The following WDR20 variants were observed in gnomAD, a reference collection of about 807,000 sequenced individuals.
WDR20 encodes the protein WD repeat-containing protein 20.
In WDR20, 3 loss-of-function variants were observed where a neutral mutation model predicts 38.7. That is an observed-to-expected ratio of 0.08 (90% CI 0.04 to 0.20). WDR20 has a LOEUF of 0.20. Ranked by LOEUF, WDR20 falls within the 10% of genes least tolerant of loss-of-function variation. The probability of loss-of-function intolerance (pLI) is 1.00; values close to 1 mark genes in which losing one functional copy is unlikely to be tolerated. For synonymous variants in WDR20, 298 were observed against 285.6 expected, an observed-to-expected ratio of 1.04 and a Z score of -0.44; for missense variants, 559 against 727.7, an observed-to-expected ratio of 0.77 and a Z score of 2.67.
chr14:102,152,053 C>CTGGG (rs904778188), intron 1 of WDR20, among the ~76,000 whole-genome samples: 4 of 152,080 alleles, frequency 2.6e-5, no homozygotes, highest in African/African-American at 7.2e-5. Flanking sequence ...TCCTGAGTAT[C>CTGGG]TGGGACTATA....
downstream of WDR20, among the ~76,000 whole-genome samples, chr14:102,223,954 A>C (rs1221857152): frequency 6.6e-6 from 1 of 152,136 alleles, no homozygotes; most frequent in Non-Finnish European, 1.5e-5. Context: ...TCGTCATTGA[A>C]AGCCTGTGAC....
At position 102,208,718 on chromosome 14, in the gene WDR20, G is replaced by T; in HGVS notation, c.548G>T (p.Cys183Phe). Residue 183 changes from cysteine (C) to phenylalanine (F), a missense_variant, in exon 3 of 3, where the codon TGT (cysteine) becomes TTT (phenylalanine). Physicochemically the swap from Cys to Phe is radical, Grantham distance 205 (BLOSUM62 -2). Transcript: ENST00000342702. The surrounding 1 kb of genome is among the most constrained non-coding windows in gnomAD (Gnocchi z 5.6). The stretch of plus-strand genomic sequence containing the variant: ...TACTTATATAATGTGGAGCACACTT[G>T]TGGCACCACAGCCCCCCACTACCAG... ...NMYLYNVEHTCGTTAPHYQLL... is the reference protein window; with the variant it reads ...NMYLYNVEHTFGTTAPHYQLL... 1 of 1,614,186 alleles carries T rather than the reference G, an allele frequency of 6.2e-7. No individual in the cohort carries two copies. Among genetic ancestry groups the T allele is most frequent in the Non-Finnish European group, 8.5e-7 (1 of 1,180,040 alleles).
chr14:102,154,668 A>G (rs536388362), intron 1 of WDR20, among the ~76,000 whole-genome samples: 47 of 152,284 alleles, frequency 3.1e-4, no homozygotes, highest in African/African-American at 1.1e-3. Flanking sequence ...TCATCATTGT[A>G]TCCCCTGTTC....
intron 1 of WDR20, chr14:102,193,349 C>T: frequency 9.2e-7 from 1 of 1,088,314 alleles, no homozygotes; most frequent in Non-Finnish European, 1.4e-6. Flanking sequence ...CGCTCCCCTC[C>T]ACTGGCCGCT....
chr14:102,162,445 A>G (rs2058940179), intron 1 of WDR20, among the ~76,000 whole-genome samples: 1 of 152,200 alleles, frequency 6.6e-6, no homozygotes, highest in Non-Finnish European at 1.5e-5. Context: ...GATCATATCA[A>G]TAAGTGCCTG....
chr14:102,177,285 G>A (rs778293688), intron 1 of WDR20, among the ~76,000 whole-genome samples: 45 of 152,156 alleles, frequency 3.0e-4, no homozygotes, highest in Admixed American at 6.5e-4. Context: ...ATTTCTACTT[G>A]CCAATGCCAT....
At position 102,195,065 on chromosome 14, in the gene WDR20, A is replaced by T; in HGVS notation, c.377A>T (p.Gln126Leu). The change falls in exon 2 of 3, where the codon CAA becomes CTA. Residue 126 changes from glutamine to leucine, a missense_variant. Transcript: ENST00000342702. ...CTCCTAGTGGGCTTTTCCGCAGGCC[A>T]AGTCCAGCTTATAGACCCAATCAAA... ...VSLLVGFSAGQVQLIDPIKKE... is the reference protein window; with the variant it reads ...VSLLVGFSAGLVQLIDPIKKE... The T allele has an allele frequency of 6.2e-7, 1 of 1,614,226 alleles. No individual in the cohort carries two copies. The highest frequency in any genetic ancestry group is 8.5e-7 in the Non-Finnish European group (1 of 1,180,030).
chr14:102,224,478 T>A (rs188822882), downstream of WDR20: 940 of 412,648 alleles, frequency 2.3e-3, 5 homozygotes, highest in African/African-American at 9.4e-3. Context: ...TTTATTTTTT[T>A]AAAAAATCAT....
intron 2 of WDR20, among the ~76,000 whole-genome samples, chr14:102,199,817 C>T (rs2059996697): frequency 6.6e-6 from 1 of 152,154 alleles, no homozygotes; most frequent in South Asian, 2.1e-4. Flanking sequence ...ATGATTTTCC[C>T]CCTGTCAATT....
downstream of WDR20, chr14:102,215,008 T>C (rs2063042840): frequency 1.0e-6 from 1 of 982,302 alleles, no homozygotes; most frequent in African/African-American, 1.7e-5. Context: ...ACTGTAAATG[T>C]AGATAATTTT....
At chr14:102,176,912 T>A (rs921345209) in intron 1 of WDR20, among the ~76,000 whole-genome samples, 1 of 152,148 alleles carries the variant, frequency 6.6e-6, no homozygotes, top group Non-Finnish European at 1.5e-5. Flanking sequence ...GTATTATTAT[T>A]ATTTTTTTTA....
In WDR20 at chr14:102,221,121, G is replaced by T. The variant is rs1169148930; in HGVS notation, c.1693-1709G>T. On this transcript the variant is annotated intron_variant, in intron 3 of 3. Transcript: ENST00000335263. The surrounding 1 kb of genome is among the most constrained non-coding windows in gnomAD (Gnocchi z 4.8). ...TGGTAGAGACACCACCTTCCTGTGG[G>T]TGGGGCTGCCTCCTACCTGGAGCAG... Among the ~76,000 whole-genome samples, 2 of 152,208 alleles carry T rather than the reference G, an allele frequency of 1.3e-5. No homozygotes were observed. The highest frequency in any genetic ancestry group is 4.8e-5 in the African/African-American group (2 of 41,446).
chr14:102,222,218 G>A lies in WDR20; in HGVS notation c.1693-612G>A, dbSNP rs528843280. Among the ~76,000 whole-genome samples, 49 of 152,042 alleles carry A rather than the reference G, an allele frequency of 3.2e-4. No homozygotes were observed. The highest frequency in any genetic ancestry group is 6.2e-4 in the Non-Finnish European group (42 of 68,002). ...TCTCCACACCCAGCTGCAGCCTCAC[G>A]GCAAGACTACTTTGTTCTGGGGCTC... On this transcript the variant is annotated intron_variant, in intron 3 of 3. Coordinates refer to the WDR20 transcript ENST00000335263. The surrounding 1 kb of genome is among the most constrained non-coding windows in gnomAD (Gnocchi z 4.4).
At chr14:102,212,501 C>T, downstream of WDR20, 4 of 1,535,820 alleles carry the variant, frequency 2.6e-6, no homozygotes, top group Non-Finnish European at 2.6e-6. Flanking sequence ...CCTCTGACTG[C>T]TGCCCCTTTC....
At chr14:102,205,974 C>T (rs1356638047) in intron 2 of WDR20, among the ~76,000 whole-genome samples, 2 of 152,018 alleles carry the variant, frequency 1.3e-5, no homozygotes, top group Non-Finnish European at 2.9e-5. Flanking sequence ...TCTCAGTGCA[C>T]TGTTTTTTTT....
chr14:102,184,190 C>G (rs2064011602), intron 1 of WDR20, among the ~76,000 whole-genome samples: 3 of 152,162 alleles, frequency 2.0e-5, no homozygotes, highest in Admixed American at 1.3e-4. Flanking sequence ...TTATTCATAG[C>G]TTTTCTTTAA....
intron 1 of WDR20, among the ~76,000 whole-genome samples, chr14:102,151,155 A>G (rs2055647779): frequency 6.6e-6 from 1 of 151,684 alleles, no homozygotes; most frequent in South Asian, 2.1e-4. Flanking sequence ...TTTTCTCTTC[A>G]AAACCATCCA....
At chr14:102,157,271 A>C (rs1283250347) in intron 1 of WDR20, 1 of 152,128 alleles carries the variant, frequency 6.6e-6, no homozygotes, top group East Asian at 1.9e-4. Flanking sequence ...AACAACAAAA[A>C]ACAGTTGTAA....
chr14:102,214,099 C>T (rs1228773410), downstream of WDR20: 2 of 985,458 alleles, frequency 2.0e-6, no homozygotes, highest in Admixed American at 6.1e-5. Flanking sequence ...GGTCGGTGTG[C>T]CCTTGGCTGA....
Sources: gnomAD v4.1 joint callset for allele counts (sites outside exome capture counted in the v4.1 genomes callset) on GRCh38, gnomAD v4.1.1 for gene constraint, Gnocchi (gnomAD v3.1) non-coding constraint, MANE v1.5 for transcripts, NCBI Gene and HGNC (gene_info 2026-07-23, HGNC 2026-07-21) for gene names.